The following TUBAL3 variants were observed in gnomAD, a reference collection of about 807,000 sequenced individuals.
TUBAL3 encodes the protein tubulin alpha like 3.
TUBAL3 carries 16 observed loss-of-function variants against 15.5 expected under a neutral mutation model. The ratio of observed to expected loss-of-function variants is 1.04; its 90% CI spans 0.70 to 1.57. The LOEUF (loss-of-function observed/expected upper bound fraction) is 1.57, where lower values mean the gene tolerates loss of function less well. TUBAL3 is among the 40% of genes most tolerant of loss of function. The probability of loss-of-function intolerance (pLI) is 0.00; values close to 1 mark genes in which losing one functional copy is unlikely to be tolerated. For missense variants in TUBAL3, 609 were observed against 576.2 expected (o/e 1.06, Z -0.58); for synonymous variants, 238 against 224.3 (o/e 1.06, Z -0.55).
chr10:5,404,001 G>A (rs1554814862), intron 1 of TUBAL3, among the ~76,000 whole-genome samples: 1 of 152,132 alleles, frequency 6.6e-6, no homozygotes, highest in African/African-American at 2.4e-5. Context: ...GAAACATCTT[G>A]CAAGACCATA....
Position 5,396,156 on chromosome 10 carries a change from G to A in TUBAL3, c.248-681C>T, listed in dbSNP as rs1407455796. 6.6e-6 allele frequency among the ~76,000 whole-genome samples: 1 copy of A among 152,162 alleles called. No individual in the cohort carries two copies. The highest frequency in any genetic ancestry group is 1.5e-5 in the Non-Finnish European group (1 of 68,036). On this transcript the variant is annotated intron_variant, in intron 2 of 3. Transcript: ENST00000380419. This position sits in a 1 kb window ranked among gnomAD's most constrained non-coding sequence, Gnocchi z 5.1. ...CCACTGCCCACCCTAGGACACATTG[G>A]CATTTTGAGACAAGTATTTTTATCT...
intron 1 of TUBAL3, among the ~76,000 whole-genome samples, chr10:5,403,970 C>T (rs1044437062): frequency 1.8e-4 from 27 of 152,150 alleles, no homozygotes; most frequent in Non-Finnish European, 1.9e-4. Context: ...CCCTTGCATC[C>T]GTTACCCATT....
chr10:5,401,282 C>T (rs1831848041), intron 1 of TUBAL3, among the ~76,000 whole-genome samples, 195 bp from the exon 2 acceptor site: 1 of 152,176 alleles, frequency 6.6e-6, no homozygotes, highest in Admixed American at 6.5e-5. Context: ...AAAATTAAAC[C>T]TGGGATTTAA....
chr10:5,402,659 T>C (rs1488283049), intron 1 of TUBAL3, among the ~76,000 whole-genome samples: 1 of 152,092 alleles, frequency 6.6e-6, no homozygotes, highest in African/African-American at 2.4e-5. Flanking sequence ...CAGAAGGAGG[T>C]GAGCAGCAGG....
At position 5,400,946 on chromosome 10, in the gene TUBAL3, T is replaced by A; in HGVS notation, c.145A>T (p.Met49Leu). 1 of 1,614,246 alleles carries A rather than the reference T, an allele frequency of 6.2e-7. No homozygotes were observed. Among genetic ancestry groups the A allele is most frequent in the Non-Finnish European group, 8.5e-7 (1 of 1,180,048 alleles). The change falls in exon 2 of 4, where the codon ATG becomes TTG. Residue 49 changes from methionine to leucine, a missense_variant. Coordinates refer to ENST00000380419, the MANE Select transcript of TUBAL3 (RefSeq NM_024803.3). Reference protein sequence around the residue: ...TQQDQLENAKMEHTNASFDTF... With the variant: ...TQQDQLENAKLEHTNASFDTF... ...TCGAAAGATGCATTTGTGTGCTCCA[T>A]TTTTGCATTTTCCAGCTGATCCTGT...
In TUBAL3 at chr10:5,393,556, G is replaced by A. The variant is rs781817333; in HGVS notation, c.1302C>T (p.Ala434=). The A allele has an allele frequency of 5.6e-6, 9 of 1,613,482 alleles. No individual in the cohort carries two copies. The African/African-American group carries it at 8.0e-5, about 14-fold the overall frequency. Residue 434 remains alanine, a synonymous_variant, in exon 4 of 4, where the codon GCC becomes GCT. Coordinates refer to ENST00000380419, the MANE Select transcript of TUBAL3 (RefSeq NM_024803.3). ...CCACTTCCTCATAGTCCCTCTCCAG[G>A]GCTGCCAGATCTTCCCTGGCCTCCA... ...EFLEAREDLA[A]LERDYEEVAQ...
In TUBAL3 at chr10:5,393,392, A is replaced by G. The variant is rs1831705849; in HGVS notation, c.*125T>C. ...ACCCACTTAATTTAGTGTGGAACCT[A>G]GAGTCTTGCCTGATTTGAGTTCATT... On this transcript the variant is annotated 3_prime_UTR_variant, in exon 4 of 4. Transcript: ENST00000380419. 1.3e-6 allele frequency: 1 copy of G among 772,358 alleles called. No homozygotes were observed. The highest frequency in any genetic ancestry group is 2.6e-5 in the East Asian group (1 of 37,974). 47.8% of individuals were successfully genotyped at this position (772,358 alleles called of 1,614,324 possible).
intron 2 of TUBAL3, among the ~76,000 whole-genome samples, chr10:5,398,818 A>G (rs1483192167): frequency 1.3e-5 from 2 of 152,166 alleles, no homozygotes; most frequent in Non-Finnish European, 2.9e-5. Flanking sequence ...GTGTGGCCCA[A>G]GATAATTCTT....
chr10:5,393,515 C>T lies in TUBAL3; in HGVS notation c.*2G>A. ...CATTCATTTGCACCCATCATACATG[C>T]CTCAGAAACTTTGCGCCACTTCCTC... On this transcript the variant is annotated 3_prime_UTR_variant, in exon 4 of 4. Coordinates refer to ENST00000380419, the MANE Select transcript of TUBAL3 (RefSeq NM_024803.3). The T allele has an allele frequency of 1.3e-6, 2 of 1,595,560 alleles. No individual in the cohort carries two copies. Among genetic ancestry groups the T allele is most frequent in the Non-Finnish European group, 1.7e-6 (2 of 1,171,432 alleles).
Position 5,395,293 on chromosome 10 carries a change from A to ATGC in TUBAL3, c.396+33_396+34insGCA. 6.8e-7 allele frequency: 1 copy of ATGC among 1,461,612 alleles called. No homozygotes were observed. The highest frequency in any genetic ancestry group is 9.1e-7 in the Non-Finnish European group (1 of 1,094,294). 90.5% of individuals were successfully genotyped at this position (1,461,612 alleles called of 1,614,324 possible). On this transcript the variant is annotated intron_variant, in intron 3 of 3. Coordinates refer to ENST00000380419, the MANE Select transcript of TUBAL3 (RefSeq NM_024803.3). This position sits in a 1 kb window ranked among gnomAD's most constrained non-coding sequence, Gnocchi z 4.6. Reference sequence around the variant, plus strand: ...CCGCAGGACCCCACATGCCCCAGGCACAGCCCACTCGGAGGAGAGGGGGAG... The same window carrying ATGC: ...CCGCAGGACCCCACATGCCCCAGGCATGCCAGCCCACTCGGAGGAGAGGGGGAG...
chr10:5,400,901 T>C lies in TUBAL3; in HGVS notation c.190A>G (p.Arg64Gly), dbSNP rs1831840072. 1.2e-6 allele frequency: 2 copies of C among 1,614,034 alleles called. No individual in the cohort carries two copies. The highest frequency in any genetic ancestry group is 1.1e-5 in the South Asian group (1 of 91,094). ...GCTCTAGGCACATGCTTCCCAGCTC[T>C]TGTCTCACAGAAGAAGGTATCGAAA... ...ASFDTFFCET[R>G]AGKHVPRALF... Residue 64 changes from arginine (R) to glycine (G), a missense_variant, in exon 2 of 4, where the codon AGA becomes GGA. Transcript: ENST00000380419.
rs1293287841 is a variant in TUBAL3 at position 5,394,602 on chromosome 10, C to A, written c.397-141G>T. On this transcript the variant is annotated intron_variant, in intron 3 of 3. Transcript: ENST00000380419. This position sits in a 1 kb window ranked among gnomAD's most constrained non-coding sequence, Gnocchi z 4.3. ...TCCTTTGCCTTTGTTAACTCCACAA[C>A]AAACATAGCTACTTTGAAATACTCT... is the stretch of plus-strand genomic sequence containing the variant. The A allele has an allele frequency of 2.8e-6, 2 of 707,178 alleles. No homozygotes were observed. The highest frequency in any genetic ancestry group is 3.0e-5 in the Admixed American group (1 of 33,624). 43.8% of individuals were successfully genotyped at this position (707,178 alleles called of 1,614,324 possible).
In TUBAL3 at chr10:5,395,933, T is replaced by C. The variant is rs1368220002; in HGVS notation, c.248-458A>G. On this transcript the variant is annotated intron_variant, in intron 2 of 3. Coordinates refer to ENST00000380419, the MANE Select transcript of TUBAL3 (RefSeq NM_024803.3). This position sits in a 1 kb window ranked among gnomAD's most constrained non-coding sequence, Gnocchi z 4.6. ...TAGCTACCCCCTTCCAATCTCTACC[T>C]CTGGCATACAAGCCTTTTCCCCTGT... Among the ~76,000 whole-genome samples, 1 of 152,134 alleles carries C rather than the reference T, an allele frequency of 6.6e-6. No homozygotes were observed. The highest frequency in any genetic ancestry group is 1.5e-5 in the Non-Finnish European group (1 of 68,024).
At chr10:5,400,823 A>T in intron 2 of TUBAL3, 21 bp downstream of exon 2, 1 of 1,613,788 alleles carries the variant, frequency 6.2e-7, no homozygotes, top group Non-Finnish European at 8.5e-7. Context: ...TAAGTATGCT[A>T]GAATGGAACA....
Position 5,394,975 on chromosome 10 carries a change from T to C in TUBAL3, c.396+352A>G, listed in dbSNP as rs1271494063. 1.3e-5 allele frequency among the ~76,000 whole-genome samples: 2 copies of C among 152,164 alleles called. No homozygotes were observed. Among genetic ancestry groups the C allele is most frequent in the African/African-American group, 4.8e-5 (2 of 41,434 alleles). On this transcript the variant is annotated intron_variant, in intron 3 of 3. Transcript: ENST00000380419. This position sits in a 1 kb window ranked among gnomAD's most constrained non-coding sequence, Gnocchi z 4.3. ...CAGATAGGGAGTGCCTCTTGCTAACTTCATAAACATCAGTTACTCTTGGAA... is the reference window on the plus strand; with the variant it reads ...CAGATAGGGAGTGCCTCTTGCTAACCTCATAAACATCAGTTACTCTTGGAA...
intron 1 of TUBAL3, among the ~76,000 whole-genome samples, chr10:5,404,182 C>T (rs1489303365): frequency 2.6e-5 from 4 of 152,018 alleles, no homozygotes; most frequent in African/African-American, 7.3e-5. Flanking sequence ...AGAAGCAGTT[C>T]GAAATGTTGC....
rs1564452575 is a variant in TUBAL3 at position 5,401,098 on chromosome 10, T to C, written c.4-11A>G. 6.2e-7 allele frequency: 1 copy of C among 1,613,614 alleles called. No homozygotes were observed. Among genetic ancestry groups the C allele is most frequent in the Admixed American group, 1.7e-5 (1 of 60,008 alleles). ...GGAAAGGCACTCCCTCTAAAATAAG[T>C]CATGGTGAGTTGGAACTGAGCAGGT... On this transcript the variant is annotated splice_polypyrimidine_tract_variant and intron_variant, in intron 1 of 3. Coordinates refer to ENST00000380419, the MANE Select transcript of TUBAL3 (RefSeq NM_024803.3).
intron 1 of TUBAL3, among the ~76,000 whole-genome samples, chr10:5,401,604 A>G (rs1831852273): frequency 6.6e-6 from 1 of 152,178 alleles, no homozygotes; most frequent in Admixed American, 6.5e-5. Context: ...ATTCATATGC[A>G]CTCTGAATAA....
At chr10:5,403,091 A>G (rs1203256424) in intron 1 of TUBAL3, among the ~76,000 whole-genome samples, 1 of 152,210 alleles carries the variant, frequency 6.6e-6, no homozygotes, top group Admixed American at 6.5e-5. Context: ...ATTCAAGTTC[A>G]CTACCTTAGT....
Sources: gnomAD v4.1 joint callset for allele counts (sites outside exome capture counted in the v4.1 genomes callset) on GRCh38, gnomAD v4.1.1 for gene constraint, Gnocchi (gnomAD v3.1) non-coding constraint, MANE v1.5 for transcripts, NCBI Gene and HGNC (gene_info 2026-07-23, HGNC 2026-07-21) for gene names.